Variants in LAMA2 observed in about 807,000 individuals in gnomAD.
LAMA2 encodes laminin subunit alpha-2.
LAMA2 carries 269 observed loss-of-function variants against 364.8 expected under a neutral mutation model. That is an observed-to-expected ratio of 0.74 (90% CI 0.67 to 0.82). The LOEUF (loss-of-function observed/expected upper bound fraction) is 0.82, where lower values mean the gene tolerates loss of function less well. Among genes scored for constraint, LAMA2 ranks in the 40% least tolerant of loss-of-function variants. The pLI, the probability that LAMA2 is intolerant of heterozygous loss-of-function variation, is 0.00. For missense variants in LAMA2, 3,807 were observed against 3,873.2 expected (o/e 0.98, Z 0.45); for synonymous variants, 1,379 against 1,370.6 (o/e 1.01, Z -0.14).
chr6:129,407,717 A>T (rs1487779221), intron 40 of LAMA2, among the ~76,000 whole-genome samples: 1 of 152,120 alleles, frequency 6.6e-6, no homozygotes, highest in Non-Finnish European at 1.5e-5. Flanking sequence ...TGGTGGGGTG[A>T]CCCAAACCTT....
chr6:129,456,328 C>A lies in LAMA2; in HGVS notation c.6708-7C>A. 1 of 1,612,970 alleles carries A rather than the reference C, an allele frequency of 6.2e-7. No individual in the cohort carries two copies. Among genetic ancestry groups the A allele is most frequent in the Non-Finnish European group, 8.5e-7 (1 of 1,179,148 alleles). The stretch of plus-strand genomic sequence containing the variant: ...CCTCCCCTTCACTTCAACACGTACC[C>A]TTGAAGAACTGGGAGAAATGGAACT... On this transcript the variant is annotated splice_polypyrimidine_tract_variant and splice_region_variant and intron_variant, in intron 47 of 64. Transcript: ENST00000421865.
intron 3 of LAMA2, among the ~76,000 whole-genome samples, chr6:129,089,539 A>G (rs1562229385): frequency 6.6e-6 from 1 of 152,244 alleles, no homozygotes; most frequent in Admixed American, 6.5e-5. Flanking sequence ...GTCATGTTCC[A>G]TGAGGAACTC....
chr6:129,465,485 C>G (rs952065843), intron 51 of LAMA2, among the ~76,000 whole-genome samples, 196 bp downstream of exon 51: 2 of 151,916 alleles, frequency 1.3e-5, no homozygotes, highest in African/African-American at 4.8e-5. Context: ...CCAAATGCTT[C>G]TCTATCATTT....
intron 60 of LAMA2, among the ~76,000 whole-genome samples, chr6:129,504,630 G>A (rs1045422150): frequency 5.3e-5 from 8 of 151,924 alleles, no homozygotes; most frequent in African/African-American, 7.3e-5. Context: ...TCACTCCACC[G>A]CCCTAAATTT....
Position 129,465,306 on chromosome 6 carries a change from A to G in LAMA2, c.7300+17A>G, listed in dbSNP as rs752802823. 9 of 1,586,268 alleles carry G rather than the reference A, an allele frequency of 5.7e-6. No homozygotes were observed. In the African/African-American group the frequency reaches 1.1e-4, roughly 19 times the overall value. ...AAAAACAAGGTGAGTTTTTACAGTA[A>G]TAATGCAATATAGGCCTTAATCATG... On this transcript the variant is annotated intron_variant, in intron 51 of 64. Transcript: ENST00000421865.
intron 40 of LAMA2, among the ~76,000 whole-genome samples, chr6:129,410,831 A>G (rs1349360890): frequency 3.3e-5 from 5 of 152,272 alleles, no homozygotes; most frequent in African/African-American, 1.2e-4. Flanking sequence ...GGAGGCTGCA[A>G]AGTCCCAGTA....
intron 34 of LAMA2, among the ~76,000 whole-genome samples, chr6:129,377,924 G>A (rs1389364421): frequency 6.6e-6 from 1 of 150,704 alleles, no homozygotes; most frequent in African/African-American, 2.4e-5. Flanking sequence ...ATGCTGCCTA[G>A]ACATAAATAC....
At chr6:129,442,869 G>A (rs1205989975) in intron 43 of LAMA2, 194 bp from the exon 44 acceptor site, 4 of 565,212 alleles carry the variant, frequency 7.1e-6, no homozygotes, top group African/African-American at 5.8e-5. Context: ...AATACAAATA[G>A]TGGCCACTAA....
Position 129,037,381 on chromosome 6 carries a change from A to G in LAMA2, c.113-12537A>G, listed in dbSNP as rs141014278. On this transcript the variant is annotated intron_variant, in intron 1 of 64. Coordinates refer to ENST00000421865, the MANE Select transcript of LAMA2 (RefSeq NM_000426.4). ...TGTATTATTGTAAACAGTATATGAT[A>G]TCTTAGAGATTATTTTAAAATGAAT... Among the ~76,000 whole-genome samples, 42 of 152,272 alleles carry G rather than the reference A, an allele frequency of 2.8e-4. 1 individual carries two copies. The highest frequency in any genetic ancestry group is 1.0e-3 in the African/African-American group (42 of 41,560).
chr6:129,372,608 T>A (rs1255556363), intron 34 of LAMA2, among the ~76,000 whole-genome samples: 1 of 152,256 alleles, frequency 6.6e-6, no homozygotes, highest in Non-Finnish European at 1.5e-5. Flanking sequence ...GCTGTAAACA[T>A]CTTTGTGCAG....
intron 12 of LAMA2, among the ~76,000 whole-genome samples, chr6:129,208,696 G>A (rs1331832699): frequency 8.1e-6 from 1 of 122,976 alleles, no homozygotes; most frequent in Admixed American, 7.8e-5. Flanking sequence ...AAAGAAAAAG[G>A]AAGGAAGGAA....
chr6:129,045,872 T>C (rs886369260), intron 1 of LAMA2, among the ~76,000 whole-genome samples: 4 of 152,160 alleles, frequency 2.6e-5, no homozygotes, highest in African/African-American at 4.8e-5. Context: ...GTCTTACCCA[T>C]ACCTGCAAAA....
intron 27 of LAMA2, among the ~76,000 whole-genome samples, chr6:129,320,174 GA>G (rs1774873403): frequency 6.6e-6 from 1 of 151,580 alleles, no homozygotes; most frequent in Non-Finnish European, 1.5e-5. Flanking sequence ...AAAAAAAAAA[GA>G]AAAGAATAGG....
chr6:129,296,324 T>C (rs568437787), intron 20 of LAMA2, among the ~76,000 whole-genome samples: 50 of 152,008 alleles, frequency 3.3e-4, no homozygotes, highest in Non-Finnish European at 6.2e-4. Context: ...TGATATTATA[T>C]GGTTAGTTTT....
intron 1 of LAMA2, among the ~76,000 whole-genome samples, chr6:128,957,836 A>ATTTTTTTTTTTTTTTTTTTTTTTTTTTT (rs10652900): frequency 3.9e-5 from 2 of 51,264 alleles, no homozygotes; most frequent in Non-Finnish European, 3.4e-5. Flanking sequence ...TACTTCATGC[A>ATTTTTTTTTTTTTTTTTTTTTTTTTTTT]TTTTTTTTTT....
chr6:129,271,815 C>G (rs1265914089), intron 17 of LAMA2, among the ~76,000 whole-genome samples: 1 of 152,084 alleles, frequency 6.6e-6, no homozygotes, highest in African/African-American at 2.4e-5. Flanking sequence ...GGAAATCTGT[C>G]AGCTATAGTC....
At chr6:129,284,885 C>A (rs140970137) in intron 18 of LAMA2, among the ~76,000 whole-genome samples, 41 of 152,134 alleles carry the variant, frequency 2.7e-4, no homozygotes, top group Middle Eastern at 3.4e-3. Flanking sequence ...CAAAATATTG[C>A]AATTTGATTT....
intron 14 of LAMA2, among the ~76,000 whole-genome samples, chr6:129,260,338 T>A (rs1191146503): frequency 6.6e-6 from 1 of 152,150 alleles, no homozygotes; most frequent in Non-Finnish European, 1.5e-5. Context: ...CTTTCCTTGT[T>A]TAAGCACTAA....
intron 32 of LAMA2, among the ~76,000 whole-genome samples, chr6:129,358,721 C>T (rs1777295430): frequency 6.6e-6 from 1 of 152,014 alleles, no homozygotes; most frequent in Non-Finnish European, 1.5e-5. Flanking sequence ...TGTGAAGTAT[C>T]TAAGCATAAT....
Sources: allele counts gnomAD v4.1 joint callset (sites outside exome capture counted in the v4.1 genomes callset), GRCh38; gene constraint gnomAD v4.1.1; transcripts MANE v1.5; gene names NCBI Gene and HGNC (gene_info 2026-07-23, HGNC 2026-07-21).